Variants in LMBR1 observed in about 807,000 individuals in gnomAD.
LMBR1 encodes the protein limb development membrane protein 1, also known as limb region 1 protein homolog.
A neutral mutation model predicts 73.9 loss-of-function variants in LMBR1; 52 were observed. The observed-to-expected ratio is 0.70, with a 90% CI of 0.56 to 0.89. LMBR1 has a LOEUF of 0.89. LMBR1 is among the 40% of genes least tolerant of loss of function. The pLI is 0.00. For synonymous variants in LMBR1, 215 were observed against 209.4 expected (o/e 1.03, Z -0.23); for missense variants, 539 against 579.8 (o/e 0.93, Z 0.72).
intron 5 of LMBR1, among the ~76,000 whole-genome samples, chr7:156,772,926 T>C (rs747657333): frequency 6.6e-6 from 1 of 152,126 alleles, no homozygotes; most frequent in Non-Finnish European, 1.5e-5. Flanking sequence ...AAATTATCTC[T>C]GTTTGCAGAT....
chr7:156,874,529 G>A (rs1016925271), intron 1 of LMBR1, among the ~76,000 whole-genome samples: 13 of 152,220 alleles, frequency 8.5e-5, no homozygotes, highest in Non-Finnish European at 5.9e-5. Context: ...AAGAGCAAGC[G>A]AGGGCCCCGA....
At chr7:156,802,788 CCT>C (rs144249674) in intron 4 of LMBR1, among the ~76,000 whole-genome samples, 10,557 of 152,132 alleles carry the variant, frequency 0.069, 483 homozygotes, top group Non-Finnish European at 0.097. Context: ...CCCACCTCCC[CCT>C]GATTCCCAGT....
intron 4 of LMBR1, among the ~76,000 whole-genome samples, chr7:156,812,886 C>T (rs570109014): frequency 6.6e-6 from 1 of 152,292 alleles, no homozygotes; most frequent in South Asian, 2.1e-4. Flanking sequence ...CTCAGCTCCA[C>T]CTGGGTTCCC....
rs1343950098 is a variant in LMBR1, at chr7:156,680,403, A to AGAGTGTGTGTGTGTGTGTGTGT, written c.*3674_*3675insACACACACACACACACACACTC. 2.0e-4 allele frequency: 25 copies of AGAGTGTGTGTGTGTGTGTGTGT among 125,166 alleles called. No individual in the cohort carries two copies. The highest frequency in any genetic ancestry group is 4.0e-4 in the African/African-American group (13 of 32,666). The allele number at this position is 125,166 out of a possible 1,614,324, so 7.8% of individuals were successfully genotyped here. On this transcript the variant is annotated 3_prime_UTR_variant, in exon 17 of 17. Transcript: ENST00000353442. ...GAGAGAGAGAGAGAGAGAGAGAGAG[A>AGAGTGTGTGTGTGTGTGTGTGT]GTGTGTGTGTGTGTGTGTGTGTAAT...
At chr7:156,713,000 T>C (rs1812401083) in intron 15 of LMBR1, among the ~76,000 whole-genome samples, 1 of 152,180 alleles carries the variant, frequency 6.6e-6, no homozygotes, top group Non-Finnish European at 1.5e-5. Context: ...TGTACCCCTG[T>C]AAATTTATAC....
intron 9 of LMBR1, among the ~76,000 whole-genome samples, chr7:156,756,127 T>C (rs1042732794): frequency 6.6e-6 from 1 of 152,208 alleles, no homozygotes; most frequent in Non-Finnish European, 1.5e-5. Flanking sequence ...GCTTAAAACA[T>C]AAACACAGTT....
At chr7:156,883,563 T>C (rs1231226532) in intron 1 of LMBR1, among the ~76,000 whole-genome samples, 1 of 152,232 alleles carries the variant, frequency 6.6e-6, no homozygotes, top group Non-Finnish European at 1.5e-5. Context: ...AGGAATCTCC[T>C]ATGGCTGCTG....
rs1586203277 is a variant in LMBR1 at position 156,847,809 on chromosome 7, C to T, written c.67-10924G>A. 2.0e-5 allele frequency among the ~76,000 whole-genome samples: 3 copies of T among 152,118 alleles called. No individual in the cohort carries two copies. The South Asian group carries it at 6.2e-4, about 32-fold the overall frequency. ...GGGCAACAAGAACTCTCATTAATTGCTAGTGGGAATACAAAATGGCACAGC... is the reference window on the plus strand; with the variant it reads ...GGGCAACAAGAACTCTCATTAATTGTTAGTGGGAATACAAAATGGCACAGC... On this transcript the variant is annotated intron_variant, in intron 1 of 16. Coordinates refer to ENST00000353442, the MANE Select transcript of LMBR1 (RefSeq NM_022458.4).
rs947039224 is a variant in LMBR1, at chr7:156,679,623, A to G, written c.*4455T>C. On this transcript the variant is annotated 3_prime_UTR_variant, in exon 17 of 17. Transcript: ENST00000353442. ...AGGAGAAGACATTACAACAGCCACA[A>G]AACAGTTTTAGTAACTGTTAAAACT... 8 of 152,244 alleles carry G rather than the reference A, an allele frequency of 5.3e-5. No homozygotes were observed. The highest frequency in any genetic ancestry group is 3.3e-4 in the Admixed American group (5 of 15,280). The allele number at this position is 152,244 out of a possible 1,614,324, so 9.4% of individuals were successfully genotyped here.
intron 15 of LMBR1, among the ~76,000 whole-genome samples, chr7:156,689,141 T>A (rs969380376): frequency 6.6e-6 from 1 of 152,146 alleles, no homozygotes; most frequent in Non-Finnish European, 1.5e-5. Context: ...CAGTATTTAC[T>A]GGAAAAAAAT....
At chr7:156,801,055 C>A (rs961407629) in intron 4 of LMBR1, among the ~76,000 whole-genome samples, 1 of 152,156 alleles carries the variant, frequency 6.6e-6, no homozygotes, top group African/African-American at 2.4e-5. Context: ...CAATAAAGGA[C>A]TTAGAATATC....
At chr7:156,862,941 G>A (rs1797936710) in intron 1 of LMBR1, among the ~76,000 whole-genome samples, 1 of 152,178 alleles carries the variant, frequency 6.6e-6, no homozygotes, top group South Asian at 2.1e-4. Context: ...TGGGTCTCCA[G>A]CTTGCCCACT....
At chr7:156,846,004 T>C (rs760303494) in intron 1 of LMBR1, among the ~76,000 whole-genome samples, 7 of 151,178 alleles carry the variant, frequency 4.6e-5, no homozygotes, top group Non-Finnish European at 1.0e-4. Flanking sequence ...GGCTCACACC[T>C]ATAATCCTAG....
intron 3 of LMBR1, among the ~76,000 whole-genome samples, chr7:156,829,067 G>T (rs990691608): frequency 6.6e-6 from 1 of 152,122 alleles, no homozygotes; most frequent in Non-Finnish European, 1.5e-5. Flanking sequence ...AGCCAACTGG[G>T]ATTAGATTGT....
At chr7:156,870,923 C>T (rs1443720692) in intron 1 of LMBR1, among the ~76,000 whole-genome samples, 1 of 151,774 alleles carries the variant, frequency 6.6e-6, no homozygotes, top group Non-Finnish European at 1.5e-5. Flanking sequence ...AACTAGAAAA[C>T]TAAGCCCAAA....
chr7:156,861,675 C>A (rs938148476), intron 1 of LMBR1, among the ~76,000 whole-genome samples: 1 of 152,190 alleles, frequency 6.6e-6, no homozygotes, highest in Admixed American at 6.5e-5. Flanking sequence ...ACCCAAGTTA[C>A]CTCTGGAATG....
chr7:156,704,643 T>C (rs1404496661), intron 15 of LMBR1, among the ~76,000 whole-genome samples: 1 of 139,178 alleles, frequency 7.2e-6, no homozygotes, highest in African/African-American at 2.7e-5. Context: ...AAGCTCAAAA[T>C]ACTAATTTCA....
chr7:156,839,902 G>C (rs1298452487), intron 1 of LMBR1, among the ~76,000 whole-genome samples: 1 of 152,170 alleles, frequency 6.6e-6, no homozygotes, highest in Non-Finnish European at 1.5e-5. Context: ...GGGCCAAAGA[G>C]GAAAACCAGC....
At chr7:156,749,425 A>T (rs1306750121) in intron 9 of LMBR1, among the ~76,000 whole-genome samples, 1 of 152,164 alleles carries the variant, frequency 6.6e-6, no homozygotes, top group Non-Finnish European at 1.5e-5. Context: ...TGCCACCCTA[A>T]ACCTTGGCAC....
Sources: allele counts gnomAD v4.1 joint callset (sites outside exome capture counted in the v4.1 genomes callset), GRCh38; gene constraint gnomAD v4.1.1; transcripts MANE v1.5; gene names NCBI Gene and HGNC (gene_info 2026-07-23, HGNC 2026-07-21).